Variants in ITGA9 observed in about 807,000 individuals in gnomAD.
ITGA9 encodes integrin alpha-9.
In ITGA9, 56 loss-of-function variants were observed where a neutral mutation model predicts 127.8. That is an observed-to-expected ratio of 0.44 (90% confidence interval 0.35 to 0.55). ITGA9 has a LOEUF of 0.55. Among genes scored for constraint, ITGA9 ranks in the 20% least tolerant of loss-of-function variants. The pLI is 0.00. For synonymous variants in ITGA9, 508 were observed against 514.5 expected (o/e 0.99, Z 0.17); for missense variants, 1,196 against 1,347.1 (o/e 0.89, Z 1.76).
At chr3:37,795,667 G>A (rs540427704) in intron 26 of ITGA9, among the ~76,000 whole-genome samples, 1 of 152,258 alleles carries the variant, frequency 6.6e-6, no homozygotes, top group South Asian at 2.1e-4. Context: ...CAGGCCATCA[G>A]CCATCCCTTC....
chr3:37,588,190 CTG>C (rs1480674935), intron 15 of ITGA9, among the ~76,000 whole-genome samples: 3 of 152,226 alleles, frequency 2.0e-5, no homozygotes, highest in Non-Finnish European at 4.4e-5. Flanking sequence ...GTTCAGTAAA[CTG>C]TGTTCCATCC....
At chr3:37,795,101 T>G (rs1374045381) in intron 26 of ITGA9, among the ~76,000 whole-genome samples, 2 of 152,236 alleles carry the variant, frequency 1.3e-5, no homozygotes, top group African/African-American at 4.8e-5. Context: ...TTTCCACTTC[T>G]TATTTTATAT....
intron 16 of ITGA9, among the ~76,000 whole-genome samples, chr3:37,637,926 A>T (rs1460826747): frequency 1.3e-5 from 2 of 151,882 alleles, no homozygotes; most frequent in Non-Finnish European, 2.9e-5. Context: ...GTCCGCCTTG[A>T]CCTCCCAAAG....
At position 37,822,530 on chromosome 3, in the gene ITGA9, T is replaced by C. The variant is rs1697526612; in HGVS notation, c.*3541T>C. 6.6e-6 allele frequency: 1 copy of C among 152,188 alleles called. No individual in the cohort carries two copies. The highest frequency in any genetic ancestry group is 2.4e-5 in the African/African-American group (1 of 41,438). The allele number at this position is 152,188 out of a possible 1,614,324, so 9.4% of individuals were successfully genotyped here. A position where few individuals can be genotyped will look rare whatever the true frequency, so the allele number is the denominator to read the frequency against. ...ACTGAGGTTTCCTCAGGCAGTTCTT[T>C]AGGAAAACTGTCAGCATCATGGGTA... On this transcript the variant is annotated 3_prime_UTR_variant, in exon 28 of 28. Coordinates refer to ENST00000264741, the MANE Select transcript of ITGA9 (RefSeq NM_002207.3).
intron 15 of ITGA9, among the ~76,000 whole-genome samples, chr3:37,586,807 G>A (rs1186539508): frequency 6.6e-6 from 1 of 152,230 alleles, no homozygotes; most frequent in Non-Finnish European, 1.5e-5. Flanking sequence ...TGGCAAAGCT[G>A]AGTTCGCTCA....
At chr3:37,645,359 A>C (rs781532770) in intron 16 of ITGA9, among the ~76,000 whole-genome samples, 2 of 152,216 alleles carry the variant, frequency 1.3e-5, no homozygotes, top group Middle Eastern at 3.2e-3. Context: ...ACTTGAGATC[A>C]GGAATTAGAG....
chr3:37,750,035 C>T (rs574674265), intron 22 of ITGA9, among the ~76,000 whole-genome samples: 21 of 146,426 alleles, frequency 1.4e-4, no homozygotes, highest in African/African-American at 5.2e-4. Context: ...TCGGCATGAC[C>T]CCCACTCCAT....
chr3:37,637,600 TCTTGGGCCCACCCCAGACCC>T (rs1441423923), intron 16 of ITGA9, among the ~76,000 whole-genome samples: 2 of 152,132 alleles, frequency 1.3e-5, no homozygotes, highest in Non-Finnish European at 2.9e-5. Context: ...TTGAGAAAAT[TCTTGGGCCCACCCCAGACCC>T]ACTGAATCAG....
chr3:37,721,579 G>A (rs928747053), intron 18 of ITGA9, among the ~76,000 whole-genome samples: 1 of 152,174 alleles, frequency 6.6e-6, no homozygotes, highest in African/African-American at 2.4e-5. Context: ...CCACATGGAT[G>A]TTTTGACAAA....
chr3:37,809,088 C>CTTTTT (rs1208683122), intron 27 of ITGA9, among the ~76,000 whole-genome samples: 2 of 133,486 alleles, frequency 1.5e-5, no homozygotes, highest in African/African-American at 2.8e-5. Flanking sequence ...AAAATCTTTT[C>CTTTTT]TTTTTTTTTT....
intron 9 of ITGA9, among the ~76,000 whole-genome samples, 165 bp from the exon 10 acceptor site, chr3:37,517,339 G>A (rs1015468242): frequency 1.3e-5 from 2 of 152,244 alleles, no homozygotes; most frequent in African/African-American, 4.8e-5. Flanking sequence ...CATTTTGCCA[G>A]CAGGAGAGAG....
At chr3:37,455,568 A>C (rs185222830) in intron 1 of ITGA9, among the ~76,000 whole-genome samples, 4 of 152,328 alleles carry the variant, frequency 2.6e-5, no homozygotes, top group Admixed American at 2.6e-4. Flanking sequence ...TGAGTGAGGA[A>C]GGTAAAATAT....
chr3:37,733,008 T>C (rs1559581771), intron 19 of ITGA9: 1 of 580,126 alleles, frequency 1.7e-6, no homozygotes, highest in Non-Finnish European at 3.1e-6. Flanking sequence ...GGTCTTTCTC[T>C]TCGATTCACA....
intron 13 of ITGA9, among the ~76,000 whole-genome samples, chr3:37,527,727 A>G (rs17036579): frequency 0.033 from 5,009 of 151,888 alleles, 237 homozygotes; most frequent in African/African-American, 0.1. Flanking sequence ...GTTTGTCAGG[A>G]TTCTTCTCAA....
In ITGA9 at chr3:37,799,953, C is replaced by T. The variant is rs1294031023; in HGVS notation, c.2890-3870C>T. 6.6e-6 allele frequency among the ~76,000 whole-genome samples: 1 copy of T among 152,110 alleles called. No individual in the cohort carries two copies. Among genetic ancestry groups the T allele is most frequent in the Non-Finnish European group, 1.5e-5 (1 of 68,000 alleles). ...GTTTTTTAATCTAAGATATGACTTC[C>T]TAGAGCTACAGGACACTCAGCTCAT... On this transcript the variant is annotated intron_variant, in intron 26 of 27. Transcript: ENST00000264741. This position sits in a 1 kb window ranked among gnomAD's most constrained non-coding sequence, Gnocchi z 4.0.
intron 18 of ITGA9, among the ~76,000 whole-genome samples, chr3:37,721,384 G>A (rs185534938): frequency 3.3e-5 from 5 of 152,200 alleles, no homozygotes; most frequent in South Asian, 4.1e-4. Context: ...CCAAAATGCC[G>A]GGATTACAGG....
chr3:37,629,456 A>G lies in ITGA9; in HGVS notation c.1839+120A>G. 9.7e-7 allele frequency: 1 copy of G among 1,035,208 alleles called. No homozygotes were observed. Among genetic ancestry groups the G allele is most frequent in the Non-Finnish European group, 1.5e-6 (1 of 681,432 alleles). 64.1% of individuals were successfully genotyped at this position (1,035,208 alleles called of 1,614,324 possible). ...GCTCAGGAGACCGCAGCCAGGACAC[A>G]CCTCCTCTCTGGGTCTCCCTTTTCT... On this transcript the variant is annotated intron_variant, in intron 16 of 27. Transcript: ENST00000264741. The surrounding 1 kb of genome is among the most constrained non-coding windows in gnomAD (Gnocchi z 4.5).
chr3:37,761,357 A>G (rs891383561), intron 23 of ITGA9, among the ~76,000 whole-genome samples: 2 of 152,230 alleles, frequency 1.3e-5, no homozygotes, highest in African/African-American at 4.8e-5. Flanking sequence ...CAAAATTTTC[A>G]CATAATATAT....
intron 18 of ITGA9, among the ~76,000 whole-genome samples, chr3:37,713,655 C>T (rs779009453): frequency 2.8e-4 from 42 of 152,208 alleles, no homozygotes; most frequent in Non-Finnish European, 5.3e-4. Flanking sequence ...GAAATCTGAA[C>T]CTGCTGCCAA....
Sources: gnomAD v4.1 joint callset for allele counts (sites outside exome capture counted in the v4.1 genomes callset) on GRCh38, gnomAD v4.1.1 for gene constraint, Gnocchi (gnomAD v3.1) non-coding constraint, MANE v1.5 for transcripts, NCBI Gene and HGNC (gene_info 2026-07-23, HGNC 2026-07-21) for gene names.